ADGRB3: variants seen among roughly 807,000 people sequenced by gnomAD.
ADGRB3 encodes adhesion G protein-coupled receptor B3, also known as brain-specific angiogenesis inhibitor 3.
A neutral mutation model predicts 193.4 loss-of-function variants in ADGRB3; 37 were observed. The ratio of observed to expected loss-of-function variants is 0.19; its 90% CI spans 0.15 to 0.25. The LOEUF (loss-of-function observed/expected upper bound fraction) is 0.25. Among genes scored for constraint, ADGRB3 ranks in the 10% least tolerant of loss-of-function variants. The pLI, the probability that ADGRB3 is intolerant of heterozygous loss-of-function variation, is 1.00. For missense variants in ADGRB3, 1,637 were observed against 1,852.9 expected (o/e 0.88, Z 2.14); for synonymous variants, 690 against 644.2 (o/e 1.07, Z -1.08).
intron 20 of ADGRB3, among the ~76,000 whole-genome samples, chr6:69,320,199 C>A (rs1264201355): frequency 6.6e-6 from 1 of 151,404 alleles, no homozygotes; most frequent in Non-Finnish European, 1.5e-5. Context: ...TTCCTCTACT[C>A]CCTTGCAACT....
intron 17 of ADGRB3, among the ~76,000 whole-genome samples, chr6:69,161,748 G>A (rs1025048959): frequency 6.6e-6 from 1 of 152,010 alleles, no homozygotes; most frequent in Non-Finnish European, 1.5e-5. Context: ...CCCTCATGAC[G>A]TTATTGACAT....
chr6:69,084,707 A>G (rs1772496534), intron 17 of ADGRB3, among the ~76,000 whole-genome samples: 1 of 152,210 alleles, frequency 6.6e-6, no homozygotes, highest in Non-Finnish European at 1.5e-5. Flanking sequence ...AATTAGTAAT[A>G]TGAAATAAAG....
intron 21 of ADGRB3, among the ~76,000 whole-genome samples, chr6:69,327,099 C>T (rs1252767844): frequency 1.3e-5 from 2 of 151,572 alleles, no homozygotes; most frequent in Non-Finnish European, 2.9e-5. Flanking sequence ...ATTTTTCAAC[C>T]GGAAAAGGCA....
At chr6:69,159,553 C>T (rs1582507714) in intron 17 of ADGRB3, among the ~76,000 whole-genome samples, 1 of 152,030 alleles carries the variant, frequency 6.6e-6, no homozygotes, top group Non-Finnish European at 1.5e-5. Context: ...GCAGACAAAC[C>T]AGGTCTAGCT....
chr6:68,810,420 A>G (rs1767488375), intron 3 of ADGRB3, among the ~76,000 whole-genome samples: 1 of 152,198 alleles, frequency 6.6e-6, no homozygotes, highest in Non-Finnish European at 1.5e-5. Context: ...ACCACAAAGT[A>G]GGTGCTTTTC....
At position 68,757,069 on chromosome 6, in the gene ADGRB3, T is replaced by C. The variant is rs527954501; in HGVS notation, c.757+117637T>C. On this transcript the variant is annotated intron_variant, in intron 3 of 31. Transcript: ENST00000370598. Reference sequence around the variant, plus strand: ...CTTTCTCTGAAAAATTAGAAACCATTTGTTGATAATTACTTCAACTTCCCT... The same window carrying C: ...CTTTCTCTGAAAAATTAGAAACCATCTGTTGATAATTACTTCAACTTCCCT... Among the ~76,000 whole-genome samples the C allele has an allele frequency of 2.0e-3, 299 of 152,282 alleles. 1 individual carries two copies. Among genetic ancestry groups the C allele is most frequent in the Non-Finnish European group, 3.6e-3 (243 of 68,012 alleles).
In ADGRB3 at chr6:69,290,401, CAAAACATTAACCCTTGAGGG is replaced by C. The variant is rs555337136; in HGVS notation, c.2815-34469_2815-34450del. Among the ~76,000 whole-genome samples the C allele has an allele frequency of 3.3e-5, 5 of 151,572 alleles. No individual in the cohort carries two copies. The South Asian group carries it at 1.0e-3, about 32-fold the overall frequency. On this transcript the variant is annotated intron_variant, in intron 20 of 31. Coordinates refer to ENST00000370598, the MANE Select transcript of ADGRB3 (RefSeq NM_001704.3). ...TAGCAGGAGCTGGTCTCAGAGTTGG[CAAAACATTAACCCTTGAGGG>C]ATGGAGTTTGGAGCGGGGAGAAATT...
chr6:68,817,143 C>T (rs545762458), intron 3 of ADGRB3, among the ~76,000 whole-genome samples: 1 of 151,366 alleles, frequency 6.6e-6, no homozygotes, highest in East Asian at 1.9e-4. Context: ...GCACCCTATG[C>T]CTGGCCATTG....
At position 68,956,768 on chromosome 6, in the gene ADGRB3, C is replaced by T. The variant is rs113677156; in HGVS notation, c.1484C>T (p.Thr495Met). The T allele has an allele frequency of 3.5e-5, 57 of 1,613,580 alleles. 1 individual carries two copies. Among genetic ancestry groups the T allele is most frequent in the East Asian group, 2.9e-4 (13 of 44,830 alleles). Reference protein sequence around the residue: ...AVITGQQCEGTGEEVRRCNEQ... With the variant: ...AVITGQQCEGMGEEVRRCNEQ... Reference sequence around the variant, plus strand: ...ATAACAGGGCAGCAATGTGAAGGAACGGGCGAAGAAGTGAGAAGATGCAAT... The same window carrying T: ...ATAACAGGGCAGCAATGTGAAGGAATGGGCGAAGAAGTGAGAAGATGCAAT... The change falls in exon 8 of 32, where the codon ACG (threonine) becomes ATG (methionine). Residue 495 changes from threonine to methionine, a missense_variant. This residue lies in a region of ADGRB3 where 641 missense variants were observed against 673.9 expected (regional missense o/e 0.95). Transcript: ENST00000370598.
intron 17 of ADGRB3, among the ~76,000 whole-genome samples, chr6:69,100,276 T>C (rs1772995428): frequency 2.0e-5 from 3 of 152,186 alleles, no homozygotes; most frequent in African/African-American, 7.2e-5. Context: ...TCTTACTTTT[T>C]GGTTTTGACT....
chr6:69,046,864 T>C (rs913522818), intron 13 of ADGRB3, among the ~76,000 whole-genome samples: 10 of 152,202 alleles, frequency 6.6e-5, no homozygotes, highest in African/African-American at 2.4e-4. Context: ...TAATGAATTA[T>C]TTATTTATTT....
chr6:69,053,624 T>C lies in ADGRB3; in HGVS notation c.2333+4278T>C, dbSNP rs187366823. Among the ~76,000 whole-genome samples the C allele has an allele frequency of 8.5e-5, 13 of 152,292 alleles. 1 individual carries two copies. In the South Asian group the frequency reaches 1.2e-3, roughly 15 times the overall value. ...ATTCCCCCTTGACCACTTATGTGCA[T>C]GTCCAGCCCAGTTCAGAGGGTCCTT... On this transcript the variant is annotated intron_variant, in intron 15 of 31. Coordinates refer to ENST00000370598, the MANE Select transcript of ADGRB3 (RefSeq NM_001704.3).
At chr6:69,355,549 A>C (rs1769319895) in intron 27 of ADGRB3, among the ~76,000 whole-genome samples, 1 of 152,240 alleles carries the variant, frequency 6.6e-6, no homozygotes, top group African/African-American at 2.4e-5. Context: ...TCTAATATAT[A>C]GTAATCAGTT....
At chr6:69,059,110 A>G (rs1771638696) in intron 15 of ADGRB3, among the ~76,000 whole-genome samples, 2 of 152,068 alleles carry the variant, frequency 1.3e-5, no homozygotes, top group South Asian at 2.1e-4. Context: ...AATTATTTCA[A>G]TGTTTGCTTC....
At chr6:68,861,542 A>G (rs569378048) in intron 3 of ADGRB3, among the ~76,000 whole-genome samples, 21 of 152,178 alleles carry the variant, frequency 1.4e-4, no homozygotes, top group Non-Finnish European at 2.2e-4. Flanking sequence ...AGCCTGGGCA[A>G]CAGAGCGAGA....
intron 4 of ADGRB3, among the ~76,000 whole-genome samples, chr6:68,935,737 G>T (rs1248888943): frequency 6.6e-6 from 1 of 152,022 alleles, no homozygotes; most frequent in Non-Finnish European, 1.5e-5. Context: ...CATAATAAAA[G>T]AAATTCGACA....
chr6:69,354,663 GT>G (rs956292426), intron 27 of ADGRB3, among the ~76,000 whole-genome samples: 11 of 152,174 alleles, frequency 7.2e-5, no homozygotes, highest in Non-Finnish European at 1.2e-4. Context: ...TGCACTTCTA[GT>G]CTTAAAGCAG....
intron 13 of ADGRB3, among the ~76,000 whole-genome samples, chr6:69,033,097 C>A (rs1770761440): frequency 6.6e-6 from 1 of 152,050 alleles, no homozygotes; most frequent in Non-Finnish European, 1.5e-5. Context: ...TTATTGTGTA[C>A]TTTACAAAGA....
intron 16 of ADGRB3, among the ~76,000 whole-genome samples, chr6:69,069,113 C>A (rs993271206): frequency 6.6e-6 from 1 of 152,064 alleles, no homozygotes; most frequent in Non-Finnish European, 1.5e-5. Context: ...GAACATAAGA[C>A]CCAGACTTAG....
Sources: gnomAD v4.1 joint callset for allele counts (sites outside exome capture counted in the v4.1 genomes callset) on GRCh38, gnomAD v4.1.1 for gene constraint, gnomAD v4.1.1 regional missense constraint, MANE v1.5 for transcripts, NCBI Gene and HGNC (gene_info 2026-07-23, HGNC 2026-07-21) for gene names.